WASF2: variants seen among roughly 807,000 people sequenced by gnomAD.
WASF2 encodes actin-binding protein WASF2.
In WASF2, 14 loss-of-function variants were observed where a neutral mutation model predicts 45.0. The observed-to-expected ratio is 0.31, with a 90% CI of 0.21 to 0.49. WASF2 has a LOEUF of 0.49. Ranked by LOEUF, WASF2 falls within the 20% of genes least tolerant of loss-of-function variation. The pLI, the probability that WASF2 is intolerant of heterozygous loss-of-function variation, is 0.99. For missense variants in WASF2, 439 were observed against 636.1 expected, an observed-to-expected ratio of 0.69 and a Z score of 3.33; for synonymous variants, 200 against 236.3, an observed-to-expected ratio of 0.85 and a Z score of 1.41.
At chr1:27,485,007 G>A (rs1011685572) in intron 1 of WASF2, among the ~76,000 whole-genome samples, 14 of 150,222 alleles carry the variant, frequency 9.3e-5, no homozygotes, top group East Asian at 2.0e-4. Context: ...AAACTTAGCC[G>A]GGCGTGGTGG....
intron 1 of WASF2, among the ~76,000 whole-genome samples, chr1:27,443,837 G>T (rs1386092660): frequency 6.6e-6 from 1 of 151,958 alleles, no homozygotes; most frequent in Admixed American, 6.6e-5. Context: ...GGAGTGCAGG[G>T]GGGGGTGATC....
In WASF2 at chr1:27,418,358, A is replaced by C; in HGVS notation, c.330T>G (p.Leu110=). ...GCACTGGGAGAGAGTTTCTGTCAAA[A>C]AGCTTCTGGTCTTGAATGGTGGAAC... ...FRSSTIQDQK[L]FDRNSLPVPV... is the part of the protein sequence containing the mutation. The change falls in exon 4 of 9, where the codon CTT becomes CTG. Residue 110 remains leucine, a synonymous_variant. Transcript: ENST00000618852. 1 of 1,614,224 alleles carries C rather than the reference A, an allele frequency of 6.2e-7. No individual in the cohort carries two copies. The highest frequency in any genetic ancestry group is 1.7e-5 in the Admixed American group (1 of 60,026).
chr1:27,434,214 G>A (rs1171915543), intron 1 of WASF2, among the ~76,000 whole-genome samples: 3 of 152,344 alleles, frequency 2.0e-5, no homozygotes, highest in East Asian at 1.9e-4. Context: ...TGGATGACCA[G>A]CTATCAGGCA....
At chr1:27,408,369 G>C (rs769300711) in intron 8 of WASF2, 23 bp from the exon 9 acceptor site, 16 of 1,613,992 alleles carry the variant, frequency 9.9e-6, no homozygotes, top group Non-Finnish European at 1.3e-5. Context: ...AGACAGAAGG[G>C]TGAGGAAGGC....
chr1:27,417,315 T>C (rs2148103250), intron 4 of WASF2, among the ~76,000 whole-genome samples: 1 of 152,212 alleles, frequency 6.6e-6, no homozygotes, highest in East Asian at 1.9e-4. Flanking sequence ...GAGTCAAACC[T>C]CTGTCCTGCT....
At chr1:27,461,558 G>C (rs1193412572) in intron 1 of WASF2, among the ~76,000 whole-genome samples, 1 of 151,646 alleles carries the variant, frequency 6.6e-6, no homozygotes, top group Non-Finnish European at 1.5e-5. Context: ...CGCCTCCCGG[G>C]CTCACTCCAT....
chr1:27,456,526 T>C (rs1377549175), intron 1 of WASF2, among the ~76,000 whole-genome samples: 2 of 152,092 alleles, frequency 1.3e-5, no homozygotes, highest in African/African-American at 2.4e-5. Context: ...CATTTTAATG[T>C]AGGGGACAAC....
rs200733035 is a variant in WASF2, at chr1:27,442,317, C to T, written c.-43-13384G>A. Among the ~76,000 whole-genome samples the T allele has an allele frequency of 5.9e-5, 9 of 152,072 alleles. No homozygotes were observed. The East Asian group carries it at 9.7e-4, about 16-fold the overall frequency. ...TCTCAGGACTTTGGGAGGCCGAGGC[C>T]GGCAGATCACAAGGTCAAGAGTTCA... is the stretch of plus-strand genomic sequence containing the variant. On this transcript the variant is annotated intron_variant, in intron 1 of 8. Coordinates refer to ENST00000618852, the MANE Select transcript of WASF2 (RefSeq NM_006990.5).
chr1:27,442,086 G>T (rs1182815329), intron 1 of WASF2, among the ~76,000 whole-genome samples: 5 of 151,138 alleles, frequency 3.3e-5, no homozygotes, highest in African/African-American at 1.2e-4. Flanking sequence ...CTCCAGCCTG[G>T]GCAAAAAAAT....
At chr1:27,427,927 A>G (rs1298358701) in intron 2 of WASF2, among the ~76,000 whole-genome samples, 3 of 152,112 alleles carry the variant, frequency 2.0e-5, no homozygotes, top group Non-Finnish European at 2.9e-5. Context: ...TGCCCTTCCC[A>G]TATCTCAGCT....
chr1:27,412,812 T>A (rs1441187277), intron 6 of WASF2, 85 bp from the exon 7 acceptor site: 2 of 1,518,126 alleles, frequency 1.3e-6, no homozygotes, highest in Non-Finnish European at 1.8e-6. Context: ...AAAAATGCAT[T>A]TGATACAAAA....
rs972689303 is a variant in WASF2 at position 27,408,302 on chromosome 1, G to A, written c.1384C>T (p.Arg462Trp). The change falls in exon 9 of 9, where the codon CGG becomes TGG. Residue 462 changes from arginine to tryptophan, a missense_variant. Coordinates refer to ENST00000618852, the MANE Select transcript of WASF2 (RefSeq NM_006990.5). Reference protein sequence around the residue: ...RVEEQREQEKRDVVGNDVATI... With the variant: ...RVEEQREQEKWDVVGNDVATI... ...GCCACGTCATTGCCCACAACATCCC[G>A]CTTCTCTTGTTCCCGCTGCTCCTCA... 1.2e-6 allele frequency: 2 copies of A among 1,614,180 alleles called. No homozygotes were observed. Among genetic ancestry groups the A allele is most frequent in the African/African-American group, 1.3e-5 (1 of 75,044 alleles).
At position 27,476,883 on chromosome 1, in the gene WASF2, G is replaced by A. The variant is rs2017773325; in HGVS notation, c.-44+13103C>T. On this transcript the variant is annotated intron_variant, in intron 1 of 8. Transcript: ENST00000618852. ...TGTGTGTTCAGCAATGTGAAAAACA[G>A]CTTCCATGTAGACAAAAATAAGGTA... Among the ~76,000 whole-genome samples, 3 of 152,174 alleles carry A rather than the reference G, an allele frequency of 2.0e-5. No individual in the cohort carries two copies. The South Asian group carries it at 6.2e-4, about 31-fold the overall frequency.
At chr1:27,419,463 A>C (rs993861024) in intron 2 of WASF2, among the ~76,000 whole-genome samples, 5 of 152,342 alleles carry the variant, frequency 3.3e-5, no homozygotes, top group South Asian at 2.1e-4. Context: ...AAAAATACAA[A>C]AATTAGACAG....
intron 1 of WASF2, among the ~76,000 whole-genome samples, chr1:27,489,252 GCACACA>G (rs60315426): frequency 0.021 from 1,650 of 80,238 alleles, 54 homozygotes; most frequent in African/African-American, 0.076. Context: ...CTGTACGCGC[GCACACA>G]CACACACACA....
chr1:27,441,944 AAG>A (rs1247863700), intron 1 of WASF2, among the ~76,000 whole-genome samples: 1 of 150,280 alleles, frequency 6.7e-6, no homozygotes, highest in Non-Finnish European at 1.5e-5. Context: ...AAAAAAAAGA[AAG>A]AAAGAAAAAC....
intron 1 of WASF2, among the ~76,000 whole-genome samples, chr1:27,430,886 C>T (rs1300337432): frequency 6.6e-6 from 1 of 150,926 alleles, no homozygotes; most frequent in Non-Finnish European, 1.5e-5. Flanking sequence ...AAAACGTTGA[C>T]TGTGAATACA....
Position 27,412,589 on chromosome 1 carries a change from A to C in WASF2, c.807T>G (p.Pro269=). 6.2e-7 allele frequency: 1 copy of C among 1,614,146 alleles called. No individual in the cohort carries two copies. The highest frequency in any genetic ancestry group is 1.3e-5 in the African/African-American group (1 of 75,022). The change falls in exon 7 of 9, where the codon CCT becomes CCG. Residue 269 remains proline, a synonymous_variant. Transcript: ENST00000618852. ...CCATTTACCTGAATTCTGCTGGTGG[A>C]GGAGGCAAGTTGTCCTCGGAGAAGG... ...SPSFSEDNLP[P]PPAEFSYPVD...
At chr1:27,441,023 C>G (rs551006888) in intron 1 of WASF2, among the ~76,000 whole-genome samples, 44 of 151,920 alleles carry the variant, frequency 2.9e-4, no homozygotes, top group African/African-American at 9.2e-4. Flanking sequence ...CATGCCACCA[C>G]GCTCAGCTAA....
Sources: gnomAD v4.1 joint callset for allele counts (sites outside exome capture counted in the v4.1 genomes callset) on GRCh38, gnomAD v4.1.1 for gene constraint, MANE v1.5 for transcripts, NCBI Gene and HGNC (gene_info 2026-07-23, HGNC 2026-07-21) for gene names.